Variants in DST observed in about 807,000 individuals in gnomAD.
The protein encoded by DST is dystonin.
In DST, 253 loss-of-function variants were observed where a neutral mutation model predicts 875.2. That is an observed-to-expected ratio of 0.29 (90% CI 0.26 to 0.32). The LOEUF is 0.32. DST is among the 10% of genes least tolerant of loss of function. DST has a pLI of 1.00. For synonymous variants in DST, 3,124 were observed against 3,197.1 expected, an observed-to-expected ratio of 0.98 and a Z score of 0.77; for missense variants, 8,287 against 9,111.6, an observed-to-expected ratio of 0.91 and a Z score of 3.68.
chr6:56,464,822 T>A, intron 99 of DST, 66 bp from the exon 100 acceptor site: 1 of 1,248,036 alleles, frequency 8.0e-7, no homozygotes, highest in Non-Finnish European at 1.1e-6. Flanking sequence ...AGAAACAAAG[T>A]ACAGTAGTTG....
intron 9 of DST, among the ~76,000 whole-genome samples, chr6:56,686,846 A>C (rs2099190642): frequency 6.6e-6 from 1 of 152,268 alleles, no homozygotes; most frequent in African/African-American, 2.4e-5. Context: ...ACAAAAGGAT[A>C]TAAGTTATAA....
intron 5 of DST, among the ~76,000 whole-genome samples, chr6:56,721,146 C>T (rs1284011802): frequency 1.3e-5 from 2 of 148,800 alleles, no homozygotes; most frequent in African/African-American, 5.0e-5. Flanking sequence ...TGGGCAGGGG[C>T]GGCCCCCCCC....
At chr6:56,813,580 C>A (rs889072161) in intron 4 of DST, among the ~76,000 whole-genome samples, 5 of 152,116 alleles carry the variant, frequency 3.3e-5, no homozygotes, top group African/African-American at 1.2e-4. Context: ...AAATAAAACA[C>A]GTATAAATAA....
At chr6:56,617,516 C>A in intron 36 of DST, 3 of 1,168,210 alleles carry the variant, frequency 2.6e-6, no homozygotes, top group Non-Finnish European at 3.8e-6. Flanking sequence ...ATTACAAAGA[C>A]AAGATTAGTG....
intron 10 of DST, among the ~76,000 whole-genome samples, chr6:56,666,363 T>C (rs2099072317): frequency 6.6e-6 from 1 of 152,216 alleles, no homozygotes; most frequent in Admixed American, 6.5e-5. Flanking sequence ...TCTAAATCTT[T>C]AGAAGATATG....
At chr6:56,821,887 G>A (rs2153047772) in intron 4 of DST, among the ~76,000 whole-genome samples, 1 of 152,190 alleles carries the variant, frequency 6.6e-6, no homozygotes, top group East Asian at 1.9e-4. Flanking sequence ...TTTTTTCCCT[G>A]CTATACCATC....
intron 83 of DST, among the ~76,000 whole-genome samples, chr6:56,493,570 A>C (rs1193665750): frequency 6.6e-6 from 1 of 152,116 alleles, no homozygotes; most frequent in Non-Finnish European, 1.5e-5. Flanking sequence ...CATATTCATA[A>C]TTTAATATAC....
intron 3 of DST, among the ~76,000 whole-genome samples, chr6:56,890,344 A>G (rs1786797465): frequency 6.6e-6 from 1 of 152,250 alleles, no homozygotes; most frequent in Non-Finnish European, 1.5e-5. Flanking sequence ...ATGTTTAAAA[A>G]TCCTGGGATT....
intron 53 of DST, 110 bp downstream of exon 53, chr6:56,571,990 C>T (rs2097787854): frequency 2.0e-6 from 1 of 497,720 alleles, no homozygotes; most frequent in Admixed American, 4.2e-5. Context: ...TAGCCCTATG[C>T]TTATTCTCAA....
chr6:56,526,596 C>T (rs2096800788), intron 68 of DST, 29 bp from the exon 69 acceptor site: 1 of 1,597,150 alleles, frequency 6.3e-7, no homozygotes, highest in African/African-American at 1.3e-5. Flanking sequence ...GTTAGTAACA[C>T]TTAAGAGCTT....
chr6:56,828,025 C>T (rs1371935528), intron 4 of DST, among the ~76,000 whole-genome samples: 1 of 152,184 alleles, frequency 6.6e-6, no homozygotes, highest in African/African-American at 2.4e-5. Flanking sequence ...GATGCTCCTA[C>T]TCTCTAGCTG....
chr6:56,873,662 TG>T (rs1778366510), intron 3 of DST, among the ~76,000 whole-genome samples: 1 of 152,138 alleles, frequency 6.6e-6, no homozygotes, highest in Non-Finnish European at 1.5e-5. Flanking sequence ...GTTAAAATAG[TG>T]GATCTCATGA....
intron 33 of DST, 31 bp from the exon 34 acceptor site, chr6:56,627,318 G>T (rs751050569): frequency 2.7e-6 from 4 of 1,494,718 alleles, no homozygotes; most frequent in Middle Eastern, 1.7e-4. Flanking sequence ...GAACAAAAAT[G>T]ACAAGGAATT....
chr6:56,639,204 A>T, intron 22 of DST, 55 bp downstream of exon 22: 2 of 1,409,702 alleles, frequency 1.4e-6, no homozygotes, highest in South Asian at 2.3e-5. Flanking sequence ...AAAGAATCTG[A>T]AGGGAAATAA....
At chr6:56,636,701 A>G (rs1352656403) in intron 22 of DST, 49 bp from the exon 23 acceptor site, 1 of 1,413,692 alleles carries the variant, frequency 7.1e-7, no homozygotes, top group Non-Finnish European at 1.0e-6. Flanking sequence ...GAAATAAGGC[A>G]CACATACCTT....
intron 2 of DST, among the ~76,000 whole-genome samples, chr6:56,941,186 T>C (rs1004191352): frequency 3.3e-5 from 5 of 152,340 alleles, no homozygotes; most frequent in Middle Eastern, 3.4e-3. Flanking sequence ...GTTAAAGCTA[T>C]ATGTTTCCCT....
intron 4 of DST, among the ~76,000 whole-genome samples, chr6:56,808,721 T>G (rs1057507743): frequency 6.6e-6 from 1 of 152,240 alleles, no homozygotes; most frequent in Non-Finnish European, 1.5e-5. Flanking sequence ...TTCTACAATT[T>G]GTTTTCCTGC....
intron 73 of DST, 118 bp downstream of exon 73, chr6:56,511,079 C>CA: frequency 1.1e-6 from 1 of 883,214 alleles, no homozygotes; most frequent in Non-Finnish European, 1.7e-6. Flanking sequence ...CATCAATACT[C>CA]AAGAGTGAAT....
At chr6:56,672,382 ACTG>A in intron 9 of DST, among the ~76,000 whole-genome samples, 1 of 152,308 alleles carries the variant, frequency 6.6e-6, no homozygotes, top group East Asian at 1.9e-4. Context: ...AGCGGAACAA[ACTG>A]TCTCAATTTT....
Sources: gnomAD v4.1 joint callset for allele counts (sites outside exome capture counted in the v4.1 genomes callset) on GRCh38, gnomAD v4.1.1 for gene constraint, MANE v1.5 for transcripts, NCBI Gene and HGNC (gene_info 2026-07-23, HGNC 2026-07-21) for gene names.